Variants in AGO4 observed in about 807,000 individuals in gnomAD.
AGO4 encodes protein argonaute-4.
AGO4 carries 33 observed loss-of-function variants against 104.7 expected under a neutral mutation model. The observed-to-expected ratio is 0.32, with a 90% CI of 0.24 to 0.42. The LOEUF is 0.42. Ranked by LOEUF, AGO4 falls within the 10% of genes least tolerant of loss-of-function variation. AGO4 has a pLI of 1.00. For missense variants in AGO4, 711 were observed against 1,083.4 expected, an observed-to-expected ratio of 0.66 and a Z score of 4.83; for synonymous variants, 331 against 364.7, an observed-to-expected ratio of 0.91 and a Z score of 1.05.
At chr1:35,828,813 G>T (rs1008323684) in intron 7 of AGO4, among the ~76,000 whole-genome samples, 1 of 152,006 alleles carries the variant, frequency 6.6e-6, no homozygotes, top group Non-Finnish European at 1.5e-5. Flanking sequence ...GAGCCACTGC[G>T]CCCAGCCCAT....
chr1:35,816,481 C>G (rs1028464065), intron 1 of AGO4, among the ~76,000 whole-genome samples: 1 of 152,106 alleles, frequency 6.6e-6, no homozygotes, highest in Admixed American at 6.6e-5. Context: ...TAGCCATCAT[C>G]ATCATCATCA....
intron 15 of AGO4, among the ~76,000 whole-genome samples, chr1:35,848,814 C>T (rs1644633683): frequency 6.6e-6 from 1 of 152,012 alleles, no homozygotes; most frequent in Non-Finnish European, 1.5e-5. Flanking sequence ...CTAAACACAT[C>T]CTGCAAAGCT....
At chr1:35,812,640 GGATTGCAGTGGCAT>G (rs1643546980) in intron 1 of AGO4, among the ~76,000 whole-genome samples, 1 of 151,716 alleles carries the variant, frequency 6.6e-6, no homozygotes, top group South Asian at 2.1e-4. Flanking sequence ...CACCCTTGCT[GGATTGCAGTGGCAT>G]GATCTCGGCT....
intron 11 of AGO4, among the ~76,000 whole-genome samples, chr1:35,833,108 G>A (rs779570042): frequency 1.3e-5 from 2 of 151,792 alleles, no homozygotes; most frequent in African/African-American, 4.8e-5. Context: ...GTGAAACCCC[G>A]TCTCTACTAA....
chr1:35,814,631 C>A (rs1186710751), intron 1 of AGO4, among the ~76,000 whole-genome samples: 1 of 151,934 alleles, frequency 6.6e-6, no homozygotes, highest in Non-Finnish European at 1.5e-5. Flanking sequence ...TCTATGGGTT[C>A]CCCTATAGAG....
At position 35,826,807 on chromosome 1, in the gene AGO4, G is replaced by A. The variant is rs779112249; in HGVS notation, c.820G>A (p.Val274Met). The A allele has an allele frequency of 1.2e-6, 2 of 1,614,198 alleles. No individual in the cohort carries two copies. Among genetic ancestry groups the A allele is most frequent in the South Asian group, 1.1e-5 (1 of 91,088 alleles). ...GAAACGAAAATACCGAGTTTGTAATGTGACTAGACGGCCAGCCAGTCATCA... is the reference window on the plus strand; with the variant it reads ...GAAACGAAAATACCGAGTTTGTAATATGACTAGACGGCCAGCCAGTCATCA... ...QMKRKYRVCN[V>M]TRRPASHQTF... The change falls in exon 7 of 18, where the codon GTG becomes ATG. Residue 274 changes from valine (V) to methionine (M), a missense_variant. By Grantham distance (21) the Val-to-Met change is conservative (BLOSUM62 1). This residue lies in a region of AGO4 where 308 missense variants were observed against 397.8 expected (regional missense o/e 0.77). Transcript: ENST00000373210.
intron 2 of AGO4, among the ~76,000 whole-genome samples, chr1:35,818,878 G>A (rs912035446): frequency 6.6e-6 from 1 of 152,130 alleles, no homozygotes; most frequent in African/African-American, 2.4e-5. Context: ...CCCACAACGT[G>A]ACTAAATAAA....
chr1:35,823,882 G>A (rs1643946026), intron 3 of AGO4, among the ~76,000 whole-genome samples: 2 of 151,940 alleles, frequency 1.3e-5, no homozygotes. Context: ...CACGCCCAGC[G>A]AGAGTTGTTT....
chr1:35,837,548 GT>G (rs1644343933), intron 13 of AGO4, among the ~76,000 whole-genome samples: 3 of 151,562 alleles, frequency 2.0e-5, no homozygotes, highest in African/African-American at 7.3e-5. Flanking sequence ...CTCGGCTAAT[GT>G]TTTTATTTTT....
chr1:35,815,595 T>C (rs1350004749), intron 1 of AGO4, among the ~76,000 whole-genome samples: 2 of 152,214 alleles, frequency 1.3e-5, no homozygotes, highest in African/African-American at 4.8e-5. Flanking sequence ...GGAGAGAGTA[T>C]GCAAGGTTTC....
chr1:35,820,802 C>G (rs1170785793), intron 2 of AGO4, among the ~76,000 whole-genome samples: 1 of 152,076 alleles, frequency 6.6e-6, no homozygotes, highest in Non-Finnish European at 1.5e-5. Context: ...GATCAGAGTA[C>G]AAAGGCTTAT....
At chr1:35,845,838 C>T (rs1360636710) in intron 15 of AGO4, among the ~76,000 whole-genome samples, 2 of 152,190 alleles carry the variant, frequency 1.3e-5, no homozygotes, top group Non-Finnish European at 2.9e-5. Flanking sequence ...GATCATATTA[C>T]ACATTCATTG....
At chr1:35,823,807 C>A (rs1185330575) in intron 3 of AGO4, among the ~76,000 whole-genome samples, 6 of 150,316 alleles carry the variant, frequency 4.0e-5, no homozygotes, top group Non-Finnish European at 8.9e-5. Context: ...TGGTGTCAAA[C>A]TCCTGACCCC....
chr1:35,855,871 T>C lies in AGO4; in HGVS notation c.*2266T>C, dbSNP rs1644806334. On this transcript the variant is annotated 3_prime_UTR_variant, in exon 18 of 18. Transcript: ENST00000373210. ...CTGGAATCCAAGATGTGAAGAACTCTTGGTGACTGGCTGGCTGGCCAGCGG... is the reference window on the plus strand; with the variant it reads ...CTGGAATCCAAGATGTGAAGAACTCCTGGTGACTGGCTGGCTGGCCAGCGG... 6.6e-6 allele frequency: 1 copy of C among 152,268 alleles called. No homozygotes were observed. 9.4% of individuals were successfully genotyped at this position (152,268 alleles called of 1,614,324 possible).
rs375373450 is a variant in AGO4, at chr1:35,837,905, C to T, written c.1724+1912C>T. Among the ~76,000 whole-genome samples, 6 of 151,900 alleles carry T rather than the reference C, an allele frequency of 3.9e-5. No homozygotes were observed. In the East Asian group the frequency reaches 1.2e-3, roughly 29 times the overall value. On this transcript the variant is annotated intron_variant, in intron 13 of 17. Coordinates refer to ENST00000373210, the MANE Select transcript of AGO4 (RefSeq NM_017629.4). The stretch of plus-strand genomic sequence containing the variant: ...GTTTTCTGTTTTTTTCTTTTTAAGA[C>T]AAGGTCTCACTCTGTCACCCAGGCT...
intron 13 of AGO4, among the ~76,000 whole-genome samples, chr1:35,839,174 G>T (rs1433553155): frequency 2.0e-5 from 3 of 151,882 alleles, no homozygotes; most frequent in South Asian, 2.1e-4. Flanking sequence ...TACAGACGAG[G>T]TTTCTCCATG....
At chr1:35,851,489 TGTGGGA>T (rs1644700687) in intron 17 of AGO4, among the ~76,000 whole-genome samples, 2 of 152,192 alleles carry the variant, frequency 1.3e-5, no homozygotes, top group South Asian at 4.1e-4. Context: ...TGGATGTGTG[TGTGGGA>T]GTGGGGGCAC....
chr1:35,832,538 A>G lies in AGO4; in HGVS notation c.1347A>G (p.Ala449=). 6.2e-7 allele frequency: 1 copy of G among 1,613,036 alleles called. No homozygotes were observed. Among genetic ancestry groups the G allele is most frequent in the Admixed American group, 1.7e-5 (1 of 59,726 alleles). The change falls in exon 11 of 18, where the codon GCA becomes GCG. Residue 449 remains alanine, a synonymous_variant. Transcript: ENST00000373210. ...EIKVWAVACF[A]PQKQCREDLL... ...AAGTTTGGGCAGTTGCTTGTTTTGC[A>G]CCTCAGAAACAATGTAGGGAAGATT...
At chr1:35,832,415 C>CTT in intron 10 of AGO4, 22 bp from the exon 11 acceptor site, 1 of 1,525,022 alleles carries the variant, frequency 6.6e-7, no homozygotes. Context: ...TCTTCTTCTT[C>CTT]TTCTTTTTTT....
Sources: gnomAD v4.1 joint callset for allele counts (sites outside exome capture counted in the v4.1 genomes callset) on GRCh38, gnomAD v4.1.1 for gene constraint, gnomAD v4.1.1 regional missense constraint, MANE v1.5 for transcripts, NCBI Gene and HGNC (gene_info 2026-07-23, HGNC 2026-07-21) for gene names.